The following PIN4 variants were observed in gnomAD, a reference collection of about 807,000 sequenced individuals.
The protein encoded by PIN4 is peptidyl-prolyl cis-trans isomerase NIMA-interacting 4.
PIN4 carries 3 observed loss-of-function variants against 8.3 expected under a neutral mutation model. The ratio of observed to expected loss-of-function variants is 0.36; its 90% CI spans 0.16 to 0.93. The LOEUF is 0.93. Ranked by LOEUF, PIN4 falls within the 40% of genes least tolerant of loss-of-function variation. PIN4 has a pLI of 0.44. For missense variants in PIN4, 75 were observed against 100.6 expected (o/e 0.75, Z 1.09); for synonymous variants, 18 against 32.5 (o/e 0.55, Z 1.52).
chrX:72,241,642 C>T (rs2043049430), intron 3 of PIN4, among the ~76,000 whole-genome samples: 2 of 111,715 alleles, frequency 1.8e-5, no homozygotes, highest in South Asian at 7.5e-4. Context: ...GACGGAGAAA[C>T]CCTGTCTCTA....
At chrX:72,240,567 G>T (rs968602012) in intron 3 of PIN4, among the ~76,000 whole-genome samples, 2 of 111,147 alleles carry the variant, frequency 1.8e-5, no homozygotes, top group Non-Finnish European at 3.8e-5. Context: ...CCAGCACTTT[G>T]GGAGGCCGAG....
chrX:72,247,259 C>G (rs2043070474), intron 3 of PIN4, among the ~76,000 whole-genome samples: 1 of 112,060 alleles, frequency 8.9e-6, no homozygotes, highest in Non-Finnish European at 1.9e-5. Context: ...GAGTTACACC[C>G]AGGAACTAGA....
In PIN4 at chrX:72,238,271, C is replaced by A. The variant is rs2043028937; in HGVS notation, c.313-24436C>A. ...AAATTCTCATCCCAACATTACCACG[C>A]CCCCCACCCTTAGCCAACTGGTGAA... On this transcript the variant is annotated intron_variant, in intron 3 of 3. Transcript: ENST00000423432. Among the ~76,000 whole-genome samples, 4 of 111,736 alleles carry A rather than the reference C, an allele frequency of 3.6e-5. No individual in the cohort carries two copies. The South Asian group carries it at 1.1e-3, about 32-fold the overall frequency.
At chrX:72,200,035 G>A (rs921340404), downstream of PIN4, among the ~76,000 whole-genome samples, 3 of 110,401 alleles carry the variant, frequency 2.7e-5, no homozygotes, top group Admixed American at 9.8e-5. Flanking sequence ...GTGTGGTGGT[G>A]TGTGCTTGTA....
intron 2 of PIN4, among the ~76,000 whole-genome samples, chrX:72,191,174 G>A (rs902837737): frequency 2.9e-5 from 3 of 104,983 alleles, no homozygotes; most frequent in Non-Finnish European, 5.7e-5. Context: ...CATCAGATTC[G>A]CCTAAAAAAA....
In PIN4 at chrX:72,210,808, A is replaced by G. The variant is rs144975820; in HGVS notation, c.312+13904A>G. Among the ~76,000 whole-genome samples, 406 of 111,929 alleles carry G rather than the reference A, an allele frequency of 3.6e-3. 2 individuals carry two copies. Among genetic ancestry groups the G allele is most frequent in the African/African-American group, 0.013 (390 of 30,820 alleles). ...CGAGAGTTTACAGTATTCCTTGGAT[A>G]TCACTGCTTTCTGGCTGGGTTAAAC... On this transcript the variant is annotated intron_variant, in intron 3 of 3. Coordinates refer to the PIN4 transcript ENST00000423432.
intron 3 of PIN4, chrX:72,205,316 G>C (rs1310697871): frequency 8.3e-7 from 1 of 1,212,006 alleles, no homozygotes; most frequent in African/African-American, 1.7e-5. Context: ...TCTGAAGACA[G>C]TGTTTCTCCG....
intron 3 of PIN4, among the ~76,000 whole-genome samples, chrX:72,237,415 G>A (rs1314519803): frequency 1.8e-5 from 2 of 110,409 alleles, no homozygotes; most frequent in East Asian, 2.8e-4. Flanking sequence ...CGGCTAACAC[G>A]GTGAAACCCC....
intron 3 of PIN4, among the ~76,000 whole-genome samples, chrX:72,217,998 C>T (rs1381948193): frequency 2.7e-5 from 3 of 111,322 alleles, no homozygotes; most frequent in East Asian, 2.8e-4. Flanking sequence ...GGGCCGGGCG[C>T]GGTGGCTCAT....
intron 3 of PIN4, among the ~76,000 whole-genome samples, chrX:72,243,444 A>G (rs1344504843): frequency 9.0e-6 from 1 of 110,953 alleles, no homozygotes; most frequent in Non-Finnish European, 1.9e-5. Flanking sequence ...AGACAAAATG[A>G]TATGACATCT....
chrX:72,187,597 G>A (rs976462814), intron 2 of PIN4, among the ~76,000 whole-genome samples: 1 of 111,563 alleles, frequency 9.0e-6, no homozygotes, highest in African/African-American at 3.3e-5. Context: ...CCAGGAGTTT[G>A]AGACCAGCCT....
intron 1 of PIN4, among the ~76,000 whole-genome samples, chrX:72,185,147 C>CAAAAAAAAAAAAAAAAA (rs746215043): frequency 4.1e-5 from 1 of 24,457 alleles, no homozygotes. Flanking sequence ...GACTCCGTCT[C>CAAAAAAAAAAAAAAAAA]AAAAAAAAAA....
intron 3 of PIN4, among the ~76,000 whole-genome samples, chrX:72,261,077 C>T (rs1434284712): frequency 1.8e-5 from 2 of 111,319 alleles, no homozygotes; most frequent in Non-Finnish European, 3.8e-5. Context: ...GTGGGTGGAT[C>T]ACCTGAGGTC....
At chrX:72,204,278 T>C (rs2042803554) in intron 3 of PIN4, among the ~76,000 whole-genome samples, 1 of 112,819 alleles carries the variant, frequency 8.9e-6, no homozygotes, top group Non-Finnish European at 1.9e-5. Context: ...TTATAATTAC[T>C]TTTAACGATT....
intron 3 of PIN4, among the ~76,000 whole-genome samples, chrX:72,223,454 A>G (rs1438053896): frequency 9.4e-6 from 1 of 106,660 alleles, no homozygotes; most frequent in African/African-American, 3.4e-5. Context: ...CAATGGCGTG[A>G]TCTTGGCTCA....
intron 3 of PIN4, chrX:72,255,787 C>CG (rs2043107826): frequency 9.1e-6 from 1 of 110,056 alleles, no homozygotes; most frequent in South Asian, 3.8e-4. Flanking sequence ...GGAAGGAGGC[C>CG]GGGCACAACA....
At chrX:72,251,181 C>G (rs2043085673) in intron 3 of PIN4, among the ~76,000 whole-genome samples, 1 of 104,170 alleles carries the variant, frequency 9.6e-6, no homozygotes, top group Admixed American at 1.0e-4. Context: ...CACAGTGAAA[C>G]CCCGTCTCTA....
intron 3 of PIN4, among the ~76,000 whole-genome samples, chrX:72,213,466 A>G (rs1169086576): frequency 9.0e-6 from 1 of 110,740 alleles, no homozygotes; most frequent in African/African-American, 3.3e-5. Context: ...CTCTGTTTTC[A>G]CTCTATTAAA....
chrX:72,209,398 A>G (rs2042839666), intron 3 of PIN4, among the ~76,000 whole-genome samples: 1 of 111,722 alleles, frequency 9.0e-6, no homozygotes, highest in Non-Finnish European at 1.9e-5. Context: ...ATCCCAAACT[A>G]GACTCATTAT....
Sources: gnomAD v4.1 joint callset for allele counts (sites outside exome capture counted in the v4.1 genomes callset) on GRCh38, gnomAD v4.1.1 for gene constraint, MANE v1.5 for transcripts, NCBI Gene and HGNC (gene_info 2026-07-23, HGNC 2026-07-21) for gene names.